Variants in FBN3 observed in about 807,000 individuals in gnomAD.
FBN3 encodes fibrillin-3.
In FBN3, 234 loss-of-function variants were observed where a neutral mutation model predicts 330.1. The observed-to-expected ratio is 0.71, with a 90% CI of 0.64 to 0.79. FBN3 has a LOEUF of 0.79. Ranked by LOEUF, FBN3 falls within the 30% of genes least tolerant of loss-of-function variation. The pLI, the probability that FBN3 is intolerant of heterozygous loss-of-function variation, is 0.00. For synonymous variants in FBN3, 1,458 were observed against 1,517.3 expected (o/e 0.96, Z 0.91); for missense variants, 3,606 against 3,886.9 (o/e 0.93, Z 1.92).
chr19:8,075,153 A>C lies in FBN3; in HGVS notation c.7620T>G (p.His2540Gln), dbSNP rs35477781. 7.1e-3 allele frequency: 11,196 copies of C among 1,575,946 alleles called. 566 individuals carry two copies. The African/African-American group carries it at 0.12, about 17-fold the overall frequency. The change falls in exon 61 of 64, where the codon CAT becomes CAG. Residue 2540 changes from histidine (H) to glutamine (Q), a missense_variant. Coordinates refer to ENST00000600128, the MANE Select transcript of FBN3 (RefSeq NM_032447.5). ...AGCCCCCTAGCTGGTTCTGACAGCC[A>C]TGCTGGCAGCGGTGGGGCCCATCAC... Reference protein sequence around the residue: ...NECDGPHRCQHGCQNQLGGYR... With the variant: ...NECDGPHRCQQGCQNQLGGYR...
chr19:8,146,930 TG>T (rs752110787), intron 3 of FBN3, among the ~76,000 whole-genome samples, 173 bp downstream of exon 3: 8 of 151,896 alleles, frequency 5.3e-5, no homozygotes, highest in Non-Finnish European at 1.0e-4. Context: ...GCAAAGGAAA[TG>T]AACATGGCAG....
At chr19:8,082,803 TTTTC>T (rs1568365722) in intron 57 of FBN3, among the ~76,000 whole-genome samples, 2 of 149,782 alleles carry the variant, frequency 1.3e-5, no homozygotes, top group South Asian at 2.1e-4. Flanking sequence ...CTGTTTTTTT[TTTTC>T]TTTCTTTCTT....
At chr19:8,073,336 G>A in intron 61 of FBN3, 39 bp from the exon 62 acceptor site, 1 of 1,551,464 alleles carries the variant, frequency 6.4e-7, no homozygotes, top group Non-Finnish European at 8.8e-7. Flanking sequence ...GGACGCAGAG[G>A]TGGGGCAGTG....
rs2083181523 is a variant in FBN3, at chr19:8,132,873, C to T, written c.1714+111G>A. ...TTTTCTCCCTGCCCCTTCTCTTCTC[C>T]TTCTCTCATGCTCGTCCCATCCCCG... On this transcript the variant is annotated intron_variant, in intron 14 of 63. Transcript: ENST00000600128. 2.5e-6 allele frequency: 3 copies of T among 1,220,310 alleles called. No individual in the cohort carries two copies. The East Asian group carries it at 8.2e-5, about 33-fold the overall frequency. The allele number at this position is 1,220,310 out of a possible 1,614,324, so 75.6% of individuals were successfully genotyped here. A position where few individuals can be genotyped will look rare whatever the true frequency, so the allele number is the denominator to read the frequency against.
intron 37 of FBN3, among the ~76,000 whole-genome samples, chr19:8,106,584 T>A (rs563532063): frequency 1.3e-5 from 2 of 151,966 alleles, no homozygotes; most frequent in East Asian, 3.9e-4. Flanking sequence ...GATGAATGGA[T>A]GGATGAGTGG....
Position 8,126,831 on chromosome 19 carries a change from A to G in FBN3, c.2298T>C (p.Asp766=), listed in dbSNP as rs766241582. The change falls in exon 19 of 64, where the codon GAT becomes GAC. Residue 766 remains aspartate (D), a splice_region_variant and synonymous_variant. Transcript: ENST00000600128. ...ACGGGCTGGACAGGCATTCGTCGACATCTGTGGGGACAGCCCCCCACCAGG... is the reference window on the plus strand; with the variant it reads ...ACGGGCTGGACAGGCATTCGTCGACGTCTGTGGGGACAGCCCCCCACCAGG... ...HFWQDTEICK[D]VDECLSSPCV... is the part of the protein sequence containing the mutation. 10 of 1,550,818 alleles carry G rather than the reference A, an allele frequency of 6.4e-6. No individual in the cohort carries two copies. The highest frequency in any genetic ancestry group is 5.0e-5 in the South Asian group (4 of 80,408).
Position 8,130,799 on chromosome 19 carries a change from T to C in FBN3, c.2044+436A>G, listed in dbSNP as rs1268188755. Among the ~76,000 whole-genome samples the C allele has an allele frequency of 2.6e-5, 4 of 151,254 alleles. No individual in the cohort carries two copies. In the East Asian group the frequency reaches 7.8e-4, roughly 29 times the overall value. On this transcript the variant is annotated intron_variant, in intron 16 of 63. Transcript: ENST00000600128. ...TGAGCCCAAGAGGTCGAGTTTGCAG[T>C]GAGCCGTGATTGCACCACATCACTC...
chr19:8,135,936 G>GTGTCCCCCCCCCCCCCCCCCCCCC, intron 13 of FBN3, 25 bp downstream of exon 13: 1 of 668,778 alleles, frequency 1.5e-6, no homozygotes, highest in South Asian at 1.6e-5. Context: ...GGAAGCCCCT[G>GTGTCCCCCCCCCCCCCCCCCCCCC]CCCACCCGCC....
Position 8,095,464 on chromosome 19 carries a change from C to A in FBN3, c.5696G>T (p.Arg1899Leu). 2 of 1,613,752 alleles carry A rather than the reference C, an allele frequency of 1.2e-6. No homozygotes were observed. Among genetic ancestry groups the A allele is most frequent in the South Asian group, 1.1e-5 (1 of 91,048 alleles). Residue 1899 changes from arginine to leucine, a missense_variant, in exon 46 of 64, where the codon CGA (arginine) becomes CTA (leucine). By Grantham distance (102) the Arg-to-Leu change is moderately radical. Transcript: ENST00000600128. ...ECTTLVGQVC[R>L]FGHCLNTAGS... is the part of the protein sequence containing the mutation. Reference sequence around the variant, plus strand: ...AGCTGTGTTGAGGCAATGGCCAAATCGGCACACCTGCCCCACCAGGGTAGT... The same window carrying A: ...AGCTGTGTTGAGGCAATGGCCAAATAGGCACACCTGCCCCACCAGGGTAGT...
At position 8,065,784 on chromosome 19, in the gene FBN3, G is replaced by A. The variant is rs1198737981; in HGVS notation, c.*135C>T. 1 of 799,828 alleles carries A rather than the reference G, an allele frequency of 1.3e-6. No homozygotes were observed. Among genetic ancestry groups the A allele is most frequent in the Non-Finnish European group, 1.9e-6 (1 of 516,384 alleles). 49.5% of individuals were successfully genotyped at this position (799,828 alleles called of 1,614,324 possible). On this transcript the variant is annotated 3_prime_UTR_variant, in exon 64 of 64. Transcript: ENST00000600128. ...CCAGGCAGAGGCCGGGCTTGCCTGA[G>A]GTTGTCGTGTAGCATTTCACTCTTC...
In FBN3 at chr19:8,131,819, C is replaced by T. The variant is rs750605817; in HGVS notation, c.1725G>A (p.Glu575=). 2.5e-6 allele frequency: 4 copies of T among 1,593,562 alleles called. No individual in the cohort carries two copies. Among genetic ancestry groups the T allele is most frequent in the Non-Finnish European group, 3.4e-6 (4 of 1,165,856 alleles). ...PGGHYCMDID[E]CQTPGICVNG... ...TCACGCAGATGCCGGGCGTCTGGCA[C>T]TCGTCAATGTCTGCAGAAGCAGTGG... Residue 575 remains glutamate (E), a synonymous_variant, in exon 15 of 64, where the codon GAG becomes GAA. Coordinates refer to ENST00000600128, the MANE Select transcript of FBN3 (RefSeq NM_032447.5). The surrounding 1 kb of genome is among the most constrained non-coding windows in gnomAD (Gnocchi z 4.5).
chr19:8,090,265 G>A lies in FBN3; in HGVS notation c.6032-14C>T, dbSNP rs1378434511. On this transcript the variant is annotated splice_polypyrimidine_tract_variant and intron_variant, in intron 48 of 63. Coordinates refer to ENST00000600128, the MANE Select transcript of FBN3 (RefSeq NM_032447.5). ...TCTGCCGTGTGTCTGTGGGGTGGGG[G>A]CTCCATTACCCTGATTGAAAGCCGC... is the stretch of plus-strand genomic sequence containing the variant. 6.2e-7 allele frequency: 1 copy of A among 1,613,376 alleles called. No individual in the cohort carries two copies. The highest frequency in any genetic ancestry group is 8.5e-7 in the Non-Finnish European group (1 of 1,179,836).
intron 30 of FBN3, among the ~76,000 whole-genome samples, chr19:8,113,706 C>T (rs2082641299): frequency 6.6e-6 from 1 of 151,806 alleles, no homozygotes; most frequent in South Asian, 2.1e-4. Context: ...GAGACCTCAT[C>T]TTTACAAATT....
In FBN3 at chr19:8,066,184, C is replaced by T. The variant is rs545168335; in HGVS notation, c.8165G>A (p.Arg2722His). Reference protein sequence around the residue: ...LNLSHLGRAERILELRPALEG... With the variant: ...LNLSHLGRAEHILELRPALEG... Reference sequence around the variant, plus strand: ...CAGGGCCGGCCGGAGCTCCAGGATGCGCTCGGCCCGGCCCAGGTGTGAGAG... The same window carrying T: ...CAGGGCCGGCCGGAGCTCCAGGATGTGCTCGGCCCGGCCCAGGTGTGAGAG... Residue 2722 changes from arginine to histidine, a missense_variant, in exon 64 of 64, where the codon CGC (arginine) becomes CAC (histidine). Coordinates refer to ENST00000600128, the MANE Select transcript of FBN3 (RefSeq NM_032447.5). 1.1e-5 allele frequency: 18 copies of T among 1,611,722 alleles called. No individual in the cohort carries two copies. Among genetic ancestry groups the T allele is most frequent in the South Asian group, 1.1e-4 (10 of 91,032 alleles).
In FBN3 at chr19:8,066,055, C is replaced by T. The variant is rs141095196; in HGVS notation, c.8294G>A (p.Arg2765Gln). 4.0e-5 allele frequency: 65 copies of T among 1,613,120 alleles called. No individual in the cohort carries two copies. The African/African-American group carries it at 6.8e-4, about 17-fold the overall frequency. ...LRGVSSLQLG[R>Q]RRPGPGTYRL... is the part of the protein sequence containing the mutation. ...GTAGGTTCCAGGCCCCGGCCGCCTC[C>T]GCCCCAGCTGCAGGGAGCTGACGCC... Residue 2765 changes from arginine to glutamine, a missense_variant, in exon 64 of 64, where the codon CGG becomes CAG. By Grantham distance (43) the Arg-to-Gln change is conservative. Coordinates refer to ENST00000600128, the MANE Select transcript of FBN3 (RefSeq NM_032447.5).
intron 47 of FBN3, 134 bp from the exon 48 acceptor site, chr19:8,091,724 G>A: frequency 1.1e-6 from 1 of 942,990 alleles, no homozygotes; most frequent in South Asian, 1.6e-5. Flanking sequence ...GGTCCTGAGA[G>A]CTCAGTATGA....
At chr19:8,068,033 A>C (rs2081429548) in intron 63 of FBN3, among the ~76,000 whole-genome samples, 1 of 152,028 alleles carries the variant, frequency 6.6e-6, no homozygotes, top group Non-Finnish European at 1.5e-5. Context: ...GCTGCATTCT[A>C]GCCTGGGTGA....
chr19:8,094,711 G>T, intron 46 of FBN3, 146 bp from the exon 47 acceptor site: 1 of 848,434 alleles, frequency 1.2e-6, no homozygotes, highest in Non-Finnish European at 1.8e-6. Context: ...CCAGGGCAAG[G>T]GCTGAGACTC....
At position 8,095,427 on chromosome 19, in the gene FBN3, G is replaced by C; in HGVS notation, c.5733C>G (p.His1911Gln). 6.2e-7 allele frequency: 1 copy of C among 1,613,994 alleles called. No individual in the cohort carries two copies. Among genetic ancestry groups the C allele is most frequent in the East Asian group, 2.2e-5 (1 of 44,876 alleles). ...GCTCAAAGCCATCCTGGCAGAGGCA[G>C]TGGAAGGAACCAGCTGTGTTGAGGC... Reference protein sequence around the residue: ...GHCLNTAGSFHCLCQDGFELT... With the variant: ...GHCLNTAGSFQCLCQDGFELT... Residue 1911 changes from histidine to glutamine, a missense_variant, in exon 46 of 64, where the codon CAC (histidine) becomes CAG (glutamine). Transcript: ENST00000600128.
Sources: gnomAD v4.1 joint callset for allele counts (sites outside exome capture counted in the v4.1 genomes callset) on GRCh38, gnomAD v4.1.1 for gene constraint, Gnocchi (gnomAD v3.1) non-coding constraint, MANE v1.5 for transcripts, NCBI Gene and HGNC (gene_info 2026-07-23, HGNC 2026-07-21) for gene names.